FAM210A: variants seen among roughly 807,000 people sequenced by gnomAD.
FAM210A encodes the protein mitochondrial inner membrane scaffold 1, also known as family with sequence similarity 210 member A.
In FAM210A, 13 loss-of-function variants were observed where a neutral mutation model predicts 25.3. That is an observed-to-expected ratio of 0.51 (90% CI 0.33 to 0.82). The LOEUF (loss-of-function observed/expected upper bound fraction) is 0.82, where lower values mean the gene tolerates loss of function less well. Among genes scored for constraint, FAM210A ranks in the 40% least tolerant of loss-of-function variants. The probability of loss-of-function intolerance (pLI) is 0.02; values close to 1 mark genes in which losing one functional copy is unlikely to be tolerated. For missense variants in FAM210A, 319 were observed against 323.2 expected, an observed-to-expected ratio of 0.99 and a Z score of 0.10; for synonymous variants, 125 against 118.7, an observed-to-expected ratio of 1.05 and a Z score of -0.35.
intron 3 of FAM210A, among the ~76,000 whole-genome samples, chr18:13,669,057 CCT>C (rs2043422835): frequency 6.6e-6 from 1 of 152,196 alleles, no homozygotes; most frequent in East Asian, 1.9e-4. Context: ...AGCTTCAACC[CCT>C]CTTTCTTTTC....
chr18:13,702,749 A>G (rs1378303880), intron 1 of FAM210A, among the ~76,000 whole-genome samples: 1 of 152,146 alleles, frequency 6.6e-6, no homozygotes, highest in African/African-American at 2.4e-5. Flanking sequence ...CGGGTCCAAT[A>G]CCTGGCTTAG....
At chr18:13,723,466 G>C (rs1003650590) in intron 1 of FAM210A, among the ~76,000 whole-genome samples, 7 of 152,214 alleles carry the variant, frequency 4.6e-5, no homozygotes, top group African/African-American at 1.7e-4. Context: ...GTAGGGGATA[G>C]CAACTTCAAA....
intron 3 of FAM210A, among the ~76,000 whole-genome samples, chr18:13,668,516 C>A (rs1316249080): frequency 6.6e-6 from 1 of 152,198 alleles, no homozygotes; most frequent in African/African-American, 2.4e-5. Flanking sequence ...CCCCTGAATT[C>A]CAGTATATAC....
rs528161345 is a variant in FAM210A, at chr18:13,694,214, C to T, written c.-28-12109G>A. ...AGGAGAACTACAAACCACTGCTTAACGAAATAAAAGAGGACACAAACAAAT... is the reference window on the plus strand; with the variant it reads ...AGGAGAACTACAAACCACTGCTTAATGAAATAAAAGAGGACACAAACAAAT... On this transcript the variant is annotated intron_variant, in intron 1 of 3. Coordinates refer to ENST00000651643, the MANE Select transcript of FAM210A (RefSeq NM_152352.4). Among the ~76,000 whole-genome samples the T allele has an allele frequency of 2.7e-4, 41 of 152,114 alleles. 1 individual carries two copies. The highest frequency in any genetic ancestry group is 3.4e-3 in the Middle Eastern group (1 of 294).
intron 2 of FAM210A, among the ~76,000 whole-genome samples, chr18:13,678,929 T>C (rs2043526399): frequency 6.6e-6 from 1 of 152,358 alleles, no homozygotes; most frequent in South Asian, 2.1e-4. Flanking sequence ...AGGGACCACA[T>C]CATCATTGCT....
chr18:13,701,217 G>GTT (rs1163203056), intron 1 of FAM210A, among the ~76,000 whole-genome samples: 1 of 152,162 alleles, frequency 6.6e-6, no homozygotes, highest in Non-Finnish European at 1.5e-5. Flanking sequence ...GGGGATCATG[G>GTT]TAAGTTCTCT....
intron 1 of FAM210A, among the ~76,000 whole-genome samples, chr18:13,718,946 A>G (rs2043880029): frequency 6.6e-6 from 1 of 152,206 alleles, no homozygotes; most frequent in Non-Finnish European, 1.5e-5. Flanking sequence ...TCAGAGTACC[A>G]GAAGCCATTG....
chr18:13,711,638 T>C (rs1449299747), intron 1 of FAM210A, among the ~76,000 whole-genome samples: 2 of 152,212 alleles, frequency 1.3e-5, no homozygotes, highest in Non-Finnish European at 1.5e-5. Context: ...TCATGGAGCT[T>C]CCTTCCTGGT....
intron 1 of FAM210A, chr18:13,687,804 T>C (rs1017671903): frequency 2.6e-5 from 4 of 152,224 alleles, no homozygotes; most frequent in African/African-American, 4.8e-5. Context: ...ACAGCTTTTT[T>C]GAAAAATCTT....
Position 13,711,589 on chromosome 18 carries a change from C to T in FAM210A, c.-29+14740G>A, listed in dbSNP as rs190658014. ...ACTTGTTCAAAGTCTTTCAGACTTT[C>T]CTTTCTATAACTCCAGCTCCTTTCT... is the stretch of plus-strand genomic sequence containing the variant. On this transcript the variant is annotated intron_variant, in intron 1 of 3. Coordinates refer to ENST00000651643, the MANE Select transcript of FAM210A (RefSeq NM_152352.4). Among the ~76,000 whole-genome samples the T allele has an allele frequency of 2.0e-4, 30 of 152,276 alleles. No homozygotes were observed. The East Asian group carries it at 5.8e-3, about 29-fold the overall frequency.
intron 1 of FAM210A, among the ~76,000 whole-genome samples, chr18:13,702,945 C>CT (rs1055392859): frequency 5.9e-5 from 9 of 152,108 alleles, no homozygotes; most frequent in South Asian, 2.1e-4. Flanking sequence ...TTTAAAAGGA[C>CT]TTTTTTAAAA....
intron 1 of FAM210A, among the ~76,000 whole-genome samples, chr18:13,690,550 C>G (rs558303030): frequency 7.9e-5 from 12 of 152,336 alleles, no homozygotes; most frequent in African/African-American, 2.9e-4. Context: ...CCCTCTGAGA[C>G]AAAGCTTCCA....
In FAM210A at chr18:13,666,446, T is replaced by G. The variant is rs1568473275; in HGVS notation, c.*34A>C. 1.3e-6 allele frequency: 2 copies of G among 1,553,208 alleles called. No individual in the cohort carries two copies. On this transcript the variant is annotated 3_prime_UTR_variant, in exon 4 of 4. Transcript: ENST00000651643. ...GCCCATAGTTTCCAAAGGGTTAAAG[T>G]GCAGGAATTTTCTATACTGCTATAT...
intron 1 of FAM210A, among the ~76,000 whole-genome samples, chr18:13,724,156 GATA>G (rs1321547597): frequency 6.6e-6 from 1 of 152,036 alleles, no homozygotes; most frequent in East Asian, 1.9e-4. Context: ...ATTCCAGCAA[GATA>G]ACATCCTTAT....
chr18:13,698,110 T>C (rs1391801407), intron 1 of FAM210A, among the ~76,000 whole-genome samples: 2 of 152,006 alleles, frequency 1.3e-5, no homozygotes, highest in African/African-American at 4.8e-5. Flanking sequence ...CCCAGCACTT[T>C]GGGAGGCTGA....
chr18:13,719,060 G>A (rs1421999136), intron 1 of FAM210A, among the ~76,000 whole-genome samples: 1 of 152,124 alleles, frequency 6.6e-6, no homozygotes, highest in Non-Finnish European at 1.5e-5. Context: ...ATAAAAATTT[G>A]CATTTAGAAC....
intron 1 of FAM210A, among the ~76,000 whole-genome samples, chr18:13,714,626 G>C (rs1179953767): frequency 6.6e-6 from 1 of 152,160 alleles, no homozygotes; most frequent in Admixed American, 6.5e-5. Context: ...CAATTATCTG[G>C]CTATTCAGTC....
chr18:13,677,069 A>ATTT (rs59935007), intron 2 of FAM210A, among the ~76,000 whole-genome samples: 9 of 137,192 alleles, frequency 6.6e-5, no homozygotes, highest in Non-Finnish European at 7.8e-5. Flanking sequence ...CTGTCCCTCT[A>ATTT]TTTTTTTTTT....
intron 1 of FAM210A, among the ~76,000 whole-genome samples, chr18:13,699,473 T>TA (rs775212902): frequency 5.7e-4 from 86 of 151,708 alleles, no homozygotes; most frequent in Middle Eastern, 3.4e-3. Flanking sequence ...GTGTACCACT[T>TA]AAAAAAAAAT....
Sources: allele counts gnomAD v4.1 joint callset (sites outside exome capture counted in the v4.1 genomes callset), GRCh38; gene constraint gnomAD v4.1.1; transcripts MANE v1.5; gene names NCBI Gene and HGNC (gene_info 2026-07-23, HGNC 2026-07-21).